CNTN4: variants seen among roughly 807,000 people sequenced by gnomAD.
CNTN4 encodes contactin 4.
A neutral mutation model predicts 122.5 loss-of-function variants in CNTN4; 77 were observed. The ratio of observed to expected loss-of-function variants is 0.63; its 90% CI spans 0.52 to 0.76. CNTN4 has a LOEUF of 0.76. Ranked by LOEUF, CNTN4 falls within the 30% of genes least tolerant of loss-of-function variation. The pLI, the probability that CNTN4 is intolerant of heterozygous loss-of-function variation, is 0.00. For missense variants in CNTN4, 1,256 were observed against 1,259.1 expected (o/e 1.00, Z 0.04); for synonymous variants, 512 against 447.0 (o/e 1.15, Z -1.83).
chr3:2,834,634 G>C (rs1271374231), intron 7 of CNTN4, among the ~76,000 whole-genome samples: 1 of 151,980 alleles, frequency 6.6e-6, no homozygotes, highest in African/African-American at 2.4e-5. Context: ...TCAAAATAAA[G>C]ATGAGCAAAA....
At chr3:2,609,293 A>C (rs2081384036) in intron 4 of CNTN4, among the ~76,000 whole-genome samples, 1 of 152,222 alleles carries the variant, frequency 6.6e-6, no homozygotes, top group Non-Finnish European at 1.5e-5. Context: ...AAACTAGCTT[A>C]GGACCCTTTG....
intron 7 of CNTN4, among the ~76,000 whole-genome samples, chr3:2,830,373 A>G (rs1000112372): frequency 1.3e-5 from 2 of 152,244 alleles, no homozygotes; most frequent in African/African-American, 4.8e-5. Context: ...AGGGCCAAAC[A>G]CATTAGTACC....
chr3:2,279,125 C>G (rs1252759464), intron 2 of CNTN4, among the ~76,000 whole-genome samples: 2 of 149,698 alleles, frequency 1.3e-5, no homozygotes, highest in Non-Finnish European at 2.9e-5. Flanking sequence ...CTGAAACAAA[C>G]AAAACTAATA....
chr3:2,375,989 T>C (rs1278317830), intron 3 of CNTN4, among the ~76,000 whole-genome samples: 1 of 152,190 alleles, frequency 6.6e-6, no homozygotes, highest in Non-Finnish European at 1.5e-5. Flanking sequence ...TTTTCTTTCT[T>C]CTCTGACTTT....
At chr3:2,314,876 C>G (rs1412547026) in intron 2 of CNTN4, among the ~76,000 whole-genome samples, 1 of 151,852 alleles carries the variant, frequency 6.6e-6, no homozygotes, top group Non-Finnish European at 1.5e-5. Context: ...ATACAGAGAG[C>G]TTCTTAACAG....
intron 2 of CNTN4, among the ~76,000 whole-genome samples, chr3:2,216,334 A>G (rs1217570086): frequency 1.3e-5 from 2 of 152,198 alleles, no homozygotes; most frequent in Non-Finnish European, 2.9e-5. Flanking sequence ...GAGCTAAATG[A>G]TGAGAACTTA....
chr3:2,490,157 AAAACAAGC>A (rs11279330), intron 3 of CNTN4, among the ~76,000 whole-genome samples: 151,869 of 152,056 alleles, frequency 1, 75,841 homozygotes, highest in East Asian at 1. Flanking sequence ...AGGAAAAAAG[AAAACAAGC>A]AAACAAGCAA....
chr3:2,433,013 G>T (rs1357901786), intron 3 of CNTN4, among the ~76,000 whole-genome samples: 1 of 151,570 alleles, frequency 6.6e-6, no homozygotes, highest in Non-Finnish European at 1.5e-5. Flanking sequence ...AGTTAAGATG[G>T]GGTTTTGCCG....
chr3:2,256,876 C>T (rs545007130), intron 2 of CNTN4, among the ~76,000 whole-genome samples: 1 of 152,190 alleles, frequency 6.6e-6, no homozygotes, highest in African/African-American at 2.4e-5. Context: ...AAGTAATTTA[C>T]AGATTCAATG....
chr3:2,598,810 T>C (rs796777146), intron 4 of CNTN4, among the ~76,000 whole-genome samples: 3 of 151,828 alleles, frequency 2.0e-5, no homozygotes, highest in South Asian at 2.1e-4. Flanking sequence ...CTCCAACATA[T>C]ATACATGAAA....
chr3:2,818,996 G>A (rs2092803959), intron 6 of CNTN4, among the ~76,000 whole-genome samples: 1 of 152,188 alleles, frequency 6.6e-6, no homozygotes, highest in African/African-American at 2.4e-5. Context: ...GAACAGAATT[G>A]TATCAGAAAA....
intron 3 of CNTN4, among the ~76,000 whole-genome samples, chr3:2,532,869 G>T (rs191392033): frequency 1.6e-4 from 25 of 152,078 alleles, no homozygotes; most frequent in African/African-American, 6.0e-4. Flanking sequence ...TCCATGCTTG[G>T]GAGGCAGGGT....
chr3:3,039,945 G>A, intron 19 of CNTN4, 92 bp from the exon 20 acceptor site: 1 of 855,644 alleles, frequency 1.2e-6, no homozygotes, highest in South Asian at 1.4e-5. Context: ...GGAGAAGGAT[G>A]TAGACAAGAA....
chr3:2,320,274 G>A (rs2043234913), intron 2 of CNTN4, among the ~76,000 whole-genome samples: 2 of 152,108 alleles, frequency 1.3e-5, no homozygotes, highest in Non-Finnish European at 2.9e-5. Flanking sequence ...GTACTTAGAT[G>A]TGTTAATGTT....
At chr3:2,636,743 A>G (rs1416977783) in intron 4 of CNTN4, among the ~76,000 whole-genome samples, 1 of 152,146 alleles carries the variant, frequency 6.6e-6, no homozygotes, top group African/African-American at 2.4e-5. Context: ...AATTTTATGA[A>G]GAGTGTTTTC....
At chr3:2,661,743 C>G (rs1416912823) in intron 4 of CNTN4, among the ~76,000 whole-genome samples, 1 of 135,946 alleles carries the variant, frequency 7.4e-6, no homozygotes, top group Non-Finnish European at 1.5e-5. Context: ...ACCCAGGAGG[C>G]AGAGGTTGCG....
At chr3:2,172,112 C>T (rs916480016) in intron 2 of CNTN4, among the ~76,000 whole-genome samples, 3 of 152,074 alleles carry the variant, frequency 2.0e-5, no homozygotes, top group Non-Finnish European at 4.4e-5. Context: ...GTTGATCTTT[C>T]TCTTTTGAGT....
At chr3:2,312,656 A>T (rs1007214830) in intron 2 of CNTN4, among the ~76,000 whole-genome samples, 6 of 152,140 alleles carry the variant, frequency 3.9e-5, no homozygotes, top group Non-Finnish European at 5.9e-5. Flanking sequence ...GTTTTGGAAT[A>T]CTTGTGCTTT....
chr3:2,583,705 A>G (rs889434402), intron 4 of CNTN4, among the ~76,000 whole-genome samples: 1 of 152,190 alleles, frequency 6.6e-6, no homozygotes, highest in Non-Finnish European at 1.5e-5. Flanking sequence ...TTTATTTATT[A>G]ATTTATGAAT....
Sources: allele counts gnomAD v4.1 joint callset (sites outside exome capture counted in the v4.1 genomes callset), GRCh38; gene constraint gnomAD v4.1.1; transcripts MANE v1.5; gene names NCBI Gene and HGNC (gene_info 2026-07-23, HGNC 2026-07-21).